Variants in ATP13A4 observed in about 807,000 individuals in gnomAD.
The protein encoded by ATP13A4 is ATPase 13A4, also known as probable cation-transporting ATPase 13A4.
Under a neutral mutation model 142.5 loss-of-function variants are expected in ATP13A4, and 114 were observed. The observed-to-expected ratio is 0.80, with a 90% confidence interval of 0.69 to 0.93. ATP13A4 has a LOEUF of 0.93. Among genes scored for constraint, ATP13A4 ranks in the 40% least tolerant of loss-of-function variants. ATP13A4 has a pLI of 0.00. For missense variants in ATP13A4, 1,392 were observed against 1,454.0 expected, an observed-to-expected ratio of 0.96 and a Z score of 0.69; for synonymous variants, 488 against 514.8, an observed-to-expected ratio of 0.95 and a Z score of 0.70.
In ATP13A4 at chr3:193,560,610, T is replaced by A. The variant is rs192399115; in HGVS notation, n.291+21097A>T. Among the ~76,000 whole-genome samples, 27 of 152,308 alleles carry A rather than the reference T, an allele frequency of 1.8e-4. No individual in the cohort carries two copies. The East Asian group carries it at 4.6e-3, about 26-fold the overall frequency. Reference sequence around the variant, plus strand: ...TGCCAAGCATAGATTTCAATAGAACTTTTCCAGAACCCACCAATTGTGTAA... The same window carrying A: ...TGCCAAGCATAGATTTCAATAGAACATTTCCAGAACCCACCAATTGTGTAA... On this transcript the variant is annotated intron_variant and non_coding_transcript_variant, in intron 2 of 3. Coordinates refer to the ATP13A4 transcript ENST00000489140.
At chr3:193,462,183 C>G (rs983108802) in intron 13 of ATP13A4, among the ~76,000 whole-genome samples, 1 of 149,204 alleles carries the variant, frequency 6.7e-6, no homozygotes, top group Non-Finnish European at 1.5e-5. Flanking sequence ...GATCATGCCA[C>G]TGCACTCCAG....
Position 193,500,213 on chromosome 3 carries a change from T to C in ATP13A4, c.381+2280A>G, listed in dbSNP as rs146255026. ...TCTGCTGCGGGGTGAATTTCATCTTTCTGCTCAGGAATAAGGAAGATTTCC... is the reference window on the plus strand; with the variant it reads ...TCTGCTGCGGGGTGAATTTCATCTTCCTGCTCAGGAATAAGGAAGATTTCC... On this transcript the variant is annotated intron_variant, in intron 3 of 29. Coordinates refer to ENST00000342695, the MANE Select transcript of ATP13A4 (RefSeq NM_032279.4). Among the ~76,000 whole-genome samples the C allele has an allele frequency of 5.8e-4, 88 of 152,296 alleles. No individual in the cohort carries two copies. The East Asian group carries it at 0.016, about 28-fold the overall frequency.
intron 8 of ATP13A4, among the ~76,000 whole-genome samples, chr3:193,476,363 C>T (rs1718966136): frequency 1.3e-5 from 2 of 152,056 alleles, no homozygotes; most frequent in Admixed American, 1.3e-4. Context: ...TTACCTCTCT[C>T]AGCCTTCGTA....
intron 1 of ATP13A4, among the ~76,000 whole-genome samples, chr3:193,539,953 A>G (rs1282423666): frequency 6.6e-6 from 1 of 152,128 alleles, no homozygotes; most frequent in South Asian, 2.1e-4. Flanking sequence ...TTTTTCCTGC[A>G]CTGAGACCTT....
intron 13 of ATP13A4, 107 bp downstream of exon 13, chr3:193,462,655 C>A: frequency 9.1e-7 from 1 of 1,100,444 alleles, no homozygotes; most frequent in Non-Finnish European, 1.4e-6. Context: ...TCATTGTCCA[C>A]CAAAGCCAAA....
intron 1 of ATP13A4, among the ~76,000 whole-genome samples, chr3:193,524,310 A>T (rs1054683681): frequency 6.6e-6 from 1 of 152,320 alleles, no homozygotes; most frequent in African/African-American, 2.4e-5. Flanking sequence ...GCAGGAGGAC[A>T]GTCTTGTAGG....
intron 3 of ATP13A4, among the ~76,000 whole-genome samples, chr3:193,495,008 T>C (rs1264912691): frequency 2.0e-5 from 3 of 151,934 alleles, no homozygotes; most frequent in Non-Finnish European, 4.4e-5. Context: ...CTAGAAGAAA[T>C]GGAAAAATTC....
intron 7 of ATP13A4, among the ~76,000 whole-genome samples, chr3:193,486,800 G>A (rs2108661132): frequency 6.6e-6 from 1 of 152,108 alleles, no homozygotes; most frequent in South Asian, 2.1e-4. Flanking sequence ...TAAAAATAAT[G>A]AAGAATCTTT....
intron 9 of ATP13A4, among the ~76,000 whole-genome samples, chr3:193,469,482 C>G (rs1184522366): frequency 2.0e-5 from 3 of 152,104 alleles, no homozygotes; most frequent in Non-Finnish European, 4.4e-5. Context: ...AAAAATTAGC[C>G]AGGCATGGTG....
intron 1 of ATP13A4, among the ~76,000 whole-genome samples, chr3:193,518,834 T>C (rs1407473822): frequency 6.6e-6 from 1 of 152,188 alleles, no homozygotes; most frequent in East Asian, 1.9e-4. Flanking sequence ...TGAGGCTATA[T>C]GTTAGGTTCC....
chr3:193,457,259 G>T (rs528398303), intron 15 of ATP13A4, 106 bp from the exon 16 acceptor site: 104 of 1,573,600 alleles, frequency 6.6e-5, no homozygotes, highest in Non-Finnish European at 8.7e-7. Flanking sequence ...AAGGGGGAAG[G>T]TCTCACCCAT....
At chr3:193,453,164 C>T (rs1163126744) in intron 17 of ATP13A4, among the ~76,000 whole-genome samples, 2 of 152,054 alleles carry the variant, frequency 1.3e-5, no homozygotes, top group African/African-American at 2.4e-5. Flanking sequence ...TAAACTATCA[C>T]CTGTGTGAAA....
intron 25 of ATP13A4, among the ~76,000 whole-genome samples, chr3:193,428,596 G>T (rs1165697027): frequency 6.6e-6 from 1 of 152,012 alleles, no homozygotes; most frequent in Non-Finnish European, 1.5e-5. Flanking sequence ...ATATACCATG[G>T]AATACTATGC....
intron 1 of ATP13A4, among the ~76,000 whole-genome samples, chr3:193,583,940 A>G (rs1022459104): frequency 2.0e-5 from 3 of 152,206 alleles, no homozygotes; most frequent in African/African-American, 7.2e-5. Context: ...TAGAAGTACA[A>G]TTTGAAAACT....
At chr3:193,474,720 GAGAA>G (rs1208064584) in intron 8 of ATP13A4, among the ~76,000 whole-genome samples, 3 of 145,240 alleles carry the variant, frequency 2.1e-5, no homozygotes, top group African/African-American at 7.7e-5. Flanking sequence ...GAAAGAGAGA[GAGAA>G]AGAAAGAGAA....
intron 17 of ATP13A4, among the ~76,000 whole-genome samples, chr3:193,448,965 A>G (rs1168050886): frequency 1.3e-5 from 2 of 152,234 alleles, no homozygotes; most frequent in Non-Finnish European, 2.9e-5. Flanking sequence ...GTTCTGGCAC[A>G]AAGCATGAAA....
chr3:193,502,165 G>A (rs73063923), intron 3 of ATP13A4, among the ~76,000 whole-genome samples: 1,807 of 152,230 alleles, frequency 0.012, 41 homozygotes, highest in African/African-American at 0.042. Context: ...AAAATAGAGC[G>A]AGTATGTATT....
intron 21 of ATP13A4, among the ~76,000 whole-genome samples, chr3:193,439,339 C>T (rs79365969): frequency 0.013 from 2,023 of 152,214 alleles, 38 homozygotes; most frequent in African/African-American, 0.039. Context: ...CAGAGGTGCT[C>T]ACAATTCTAT....
chr3:193,526,765 G>A (rs1172370218), intron 1 of ATP13A4, among the ~76,000 whole-genome samples: 1 of 152,142 alleles, frequency 6.6e-6, no homozygotes, highest in Non-Finnish European at 1.5e-5. Context: ...AAAGTCATAT[G>A]AGAGATTATC....
Sources: allele counts gnomAD v4.1 joint callset (sites outside exome capture counted in the v4.1 genomes callset), GRCh38; gene constraint gnomAD v4.1.1; transcripts MANE v1.5; gene names NCBI Gene and HGNC (gene_info 2026-07-23, HGNC 2026-07-21).